Variants in ADARB1 observed in about 807,000 individuals in gnomAD.
ADARB1 encodes adenosine deaminase RNA specific B1.
A neutral mutation model predicts 52.4 loss-of-function variants in ADARB1; 10 were observed. The observed-to-expected ratio is 0.19, with a 90% CI of 0.12 to 0.32. The LOEUF is 0.32. Among genes scored for constraint, ADARB1 ranks in the 10% least tolerant of loss-of-function variants. The pLI is 1.00. For missense variants in ADARB1, 643 were observed against 922.3 expected (o/e 0.70, Z 3.92); for synonymous variants, 349 against 371.1 (o/e 0.94, Z 0.68).
intron 2 of ADARB1, among the ~76,000 whole-genome samples, chr21:45,143,651 ACT>A (rs928629203): frequency 1.3e-5 from 2 of 151,286 alleles, no homozygotes; most frequent in African/African-American, 4.9e-5. Flanking sequence ...GTCTCCTCTC[ACT>A]CTCTGTTAAC....
intron 8 of ADARB1, among the ~76,000 whole-genome samples, chr21:45,187,545 G>A (rs1198885541): frequency 6.6e-6 from 1 of 152,150 alleles, no homozygotes; most frequent in East Asian, 1.9e-4. Flanking sequence ...CTAATACTGT[G>A]TTAAATAGAA....
At chr21:45,170,050 A>C (rs1400903909) in intron 2 of ADARB1, among the ~76,000 whole-genome samples, 2 of 152,190 alleles carry the variant, frequency 1.3e-5, no homozygotes, top group Non-Finnish European at 2.9e-5. Context: ...TCCTTCCATA[A>C]TGGAAATATT....
chr21:45,111,293 G>A (rs2087523041), intron 1 of ADARB1, among the ~76,000 whole-genome samples: 1 of 152,166 alleles, frequency 6.6e-6, no homozygotes, highest in Non-Finnish European at 1.5e-5. Context: ...TGTTTTTAAC[G>A]TTTTAATAAA....
chr21:45,159,264 A>G (rs564493618), intron 2 of ADARB1, among the ~76,000 whole-genome samples: 4 of 152,290 alleles, frequency 2.6e-5, no homozygotes, highest in African/African-American at 9.6e-5. Context: ...AACCAAGCGA[A>G]AGGGGAAACT....
intron 2 of ADARB1, among the ~76,000 whole-genome samples, chr21:45,152,379 T>G (rs2090336857): frequency 1.3e-5 from 2 of 150,132 alleles, no homozygotes; most frequent in African/African-American, 2.4e-5. Context: ...CATGTCATTC[T>G]CTGGGTGGTG....
chr21:45,225,565 G>A lies in ADARB1; in HGVS notation c.*3368G>A, dbSNP rs374500062. ...CACACAGGTACACTGAGGAGGGGAC[G>A]GCTCCGTCTTCACATTGTGCACAGA... On this transcript the variant is annotated 3_prime_UTR_variant, in exon 11 of 11. Coordinates refer to ENST00000348831, the MANE Select transcript of ADARB1 (RefSeq NM_001112.4). The A allele has an allele frequency of 3.4e-5, 45 of 1,338,192 alleles. No individual in the cohort carries two copies. The highest frequency in any genetic ancestry group is 1.8e-4 in the African/African-American group (12 of 66,966). The allele number at this position is 1,338,192 out of a possible 1,614,324, so 82.9% of individuals were successfully genotyped here. A position where few individuals can be genotyped will look rare whatever the true frequency, so the allele number is the denominator to read the frequency against.
intron 2 of ADARB1, among the ~76,000 whole-genome samples, chr21:45,132,019 G>A (rs80295204): frequency 0.018 from 2,792 of 152,324 alleles, 94 homozygotes; most frequent in African/African-American, 0.064. Flanking sequence ...TGCTAATTCT[G>A]GATCCTCAGA....
intron 1 of ADARB1, among the ~76,000 whole-genome samples, chr21:45,122,514 T>C (rs1000844501): frequency 6.6e-6 from 1 of 152,140 alleles, no homozygotes; most frequent in Non-Finnish European, 1.5e-5. Context: ...TTTGGAGTCA[T>C]GCTATTTTCA....
chr21:45,155,771 C>T (rs1601642545), intron 2 of ADARB1, among the ~76,000 whole-genome samples: 1 of 53,780 alleles, frequency 1.9e-5, no homozygotes, highest in Non-Finnish European at 3.5e-5. Flanking sequence ...ATCCATTCAT[C>T]CATCCATCCA....
chr21:45,184,801 A>G (rs1341938213), intron 7 of ADARB1, 122 bp from the exon 8 acceptor site: 3 of 1,101,686 alleles, frequency 2.7e-6, no homozygotes, highest in Non-Finnish European at 4.0e-6. Context: ...GTATGGCATA[A>G]ACATATGCAT....
intron 9 of ADARB1, among the ~76,000 whole-genome samples, chr21:45,214,977 T>C (rs886842957): frequency 5.9e-5 from 9 of 152,188 alleles, no homozygotes; most frequent in African/African-American, 2.2e-4. Flanking sequence ...CATCCTTCTC[T>C]TACATGTCAT....
intron 1 of ADARB1, among the ~76,000 whole-genome samples, chr21:45,109,539 C>G (rs1403674059): frequency 6.6e-6 from 1 of 152,248 alleles, no homozygotes; most frequent in East Asian, 1.9e-4. Flanking sequence ...GCCTGCGTCA[C>G]CACTTCCTGA....
rs2253763 is a variant in ADARB1, at chr21:45,222,849, T to C, written c.*652T>C. 613,722 of 985,226 alleles carry C rather than the reference T, an allele frequency of 0.62. 193,336 individuals are homozygous for C. Among genetic ancestry groups the C allele is most frequent in the African/African-American group, 0.88 (50,443 of 57,306 alleles). The allele number at this position is 985,226 out of a possible 1,614,324, so 61.0% of individuals were successfully genotyped here. A position where few individuals can be genotyped will look rare whatever the true frequency, so the allele number is the denominator to read the frequency against. The stretch of plus-strand genomic sequence containing the variant: ...AGCATGGTGTAGCGTGGCCCTGTCA[T>C]GCACATGGGGTCCCGCAGCAGTGAC... On this transcript the variant is annotated 3_prime_UTR_variant, in exon 11 of 11. Coordinates refer to ENST00000348831, the MANE Select transcript of ADARB1 (RefSeq NM_001112.4).
At chr21:45,135,358 G>A (rs928730564) in intron 2 of ADARB1, among the ~76,000 whole-genome samples, 3 of 152,270 alleles carry the variant, frequency 2.0e-5, no homozygotes, top group African/African-American at 7.2e-5. Flanking sequence ...ACTGTCAGCT[G>A]TCTGCATCCT....
intron 1 of ADARB1, among the ~76,000 whole-genome samples, chr21:45,095,294 C>T (rs1448145137): frequency 6.6e-6 from 1 of 152,264 alleles, no homozygotes; most frequent in Non-Finnish European, 1.5e-5. Flanking sequence ...GTGTGATGCT[C>T]CGGCCTTTGC....
rs2088754462 is a variant in ADARB1, at chr21:45,128,795, C to T, written c.-48+222C>T. 5.3e-5 allele frequency among the ~76,000 whole-genome samples: 8 copies of T among 152,000 alleles called. No individual in the cohort carries two copies. In the South Asian group the frequency reaches 1.5e-3, roughly 28 times the overall value. On this transcript the variant is annotated intron_variant, in intron 2 of 10. Coordinates refer to ENST00000348831, the MANE Select transcript of ADARB1 (RefSeq NM_001112.4). This position sits in a 1 kb window ranked among gnomAD's most constrained non-coding sequence, Gnocchi z 4.6. Reference sequence around the variant, plus strand: ...CTTGTTCTGGGGTGGTGCCTGCTGCCCTCCAGTGGCATGTGTGGCACCTGC... The same window carrying T: ...CTTGTTCTGGGGTGGTGCCTGCTGCTCTCCAGTGGCATGTGTGGCACCTGC...
chr21:45,206,823 C>T (rs2092676652), intron 9 of ADARB1, among the ~76,000 whole-genome samples: 1 of 152,172 alleles, frequency 6.6e-6, no homozygotes, highest in South Asian at 2.1e-4. Flanking sequence ...ATCTGTCCAC[C>T]TCAGCCTCTC....
chr21:45,138,922 CTTT>C (rs5844226), intron 2 of ADARB1, among the ~76,000 whole-genome samples: 2 of 141,426 alleles, frequency 1.4e-5, no homozygotes, highest in African/African-American at 2.6e-5. Context: ...TTGTTGTCTT[CTTT>C]TTTTTTTTTT....
At position 45,225,894 on chromosome 21, in the gene ADARB1, T is replaced by C; in HGVS notation, c.*3697T>C. 1 of 247,040 alleles carries C rather than the reference T, an allele frequency of 4.0e-6. No individual in the cohort carries two copies. The highest frequency in any genetic ancestry group is 7.7e-6 in the Non-Finnish European group (1 of 129,966). 15.3% of individuals were successfully genotyped at this position (247,040 alleles called of 1,614,324 possible). On this transcript the variant is annotated 3_prime_UTR_variant, in exon 11 of 11. Coordinates refer to ENST00000348831, the MANE Select transcript of ADARB1 (RefSeq NM_001112.4). ...CCCCCTAGCGTGTTTTGTGACAATC[T>C]CCCTGGGTGAGGAGTGGGTGCACCC...
Sources: gnomAD v4.1 joint callset for allele counts (sites outside exome capture counted in the v4.1 genomes callset) on GRCh38, gnomAD v4.1.1 for gene constraint, Gnocchi (gnomAD v3.1) non-coding constraint, MANE v1.5 for transcripts, NCBI Gene and HGNC (gene_info 2026-07-23, HGNC 2026-07-21) for gene names.